RBFOX1: variants seen among roughly 807,000 people sequenced by gnomAD.
RBFOX1 encodes RNA binding fox-1 homolog 1, also known as RNA binding protein fox-1 homolog 1.
Under a neutral mutation model 57.7 loss-of-function variants are expected in RBFOX1, and 8 were observed. That is an observed-to-expected ratio of 0.14 (90% CI 0.08 to 0.25). The LOEUF is 0.25. RBFOX1 is among the 10% of genes least tolerant of loss of function. The pLI, the probability that RBFOX1 is intolerant of heterozygous loss-of-function variation, is 1.00. For synonymous variants in RBFOX1, 326 were observed against 222.4 expected (o/e 1.47, Z -4.15); for missense variants, 611 against 548.5 (o/e 1.11, Z -1.14).
At chr16:7,107,627 C>T (rs562264542) in intron 4 of RBFOX1, among the ~76,000 whole-genome samples, 251 of 152,164 alleles carry the variant, frequency 1.6e-3, no homozygotes, top group Middle Eastern at 0.01. Flanking sequence ...TCCTTCTTTC[C>T]GCTCCTCCCC....
chr16:6,427,272 A>T (rs2093956417), intron 2 of RBFOX1, among the ~76,000 whole-genome samples: 1 of 152,172 alleles, frequency 6.6e-6, no homozygotes, highest in Admixed American at 6.5e-5. Context: ...TAGGTGATAA[A>T]AGCCGTCCAG....
intron 2 of RBFOX1, among the ~76,000 whole-genome samples, chr16:6,419,235 A>AT (rs1567230991): frequency 1.3e-5 from 2 of 151,928 alleles, no homozygotes; most frequent in South Asian, 2.1e-4. Flanking sequence ...GCACTCCATG[A>AT]TTTTTTTCTA....
intron 3 of RBFOX1, among the ~76,000 whole-genome samples, chr16:5,671,522 A>G (rs1341051212): frequency 1.3e-5 from 2 of 152,234 alleles, no homozygotes; most frequent in South Asian, 2.1e-4. Context: ...GAAAAACAAT[A>G]GTATTAATTA....
At chr16:7,363,958 AG>A (rs911729434) in intron 4 of RBFOX1, among the ~76,000 whole-genome samples, 1 of 152,182 alleles carries the variant, frequency 6.6e-6, no homozygotes, top group East Asian at 1.9e-4. Flanking sequence ...TCTTATGGTG[AG>A]GAAAAGAGGA....
chr16:5,726,672 C>T (rs34395325), intron 3 of RBFOX1, among the ~76,000 whole-genome samples: 1 of 152,112 alleles, frequency 6.6e-6, no homozygotes, highest in Non-Finnish European at 1.5e-5. Context: ...CAAGGCTTAA[C>T]TCTACTGTAT....
chr16:5,623,440 A>T (rs965093994), intron 3 of RBFOX1, among the ~76,000 whole-genome samples: 2 of 152,180 alleles, frequency 1.3e-5, no homozygotes, highest in East Asian at 3.9e-4. Flanking sequence ...TTCTAGTGGG[A>T]GAACACTCAT....
chr16:7,680,994 G>A (rs1237638957), intron 14 of RBFOX1, among the ~76,000 whole-genome samples: 1 of 152,104 alleles, frequency 6.6e-6, no homozygotes, highest in Admixed American at 6.6e-5. Flanking sequence ...ACCAGGGCTT[G>A]TTAATTTCAA....
At chr16:6,599,717 T>C (rs1189049662) in intron 2 of RBFOX1, among the ~76,000 whole-genome samples, 1 of 152,214 alleles carries the variant, frequency 6.6e-6, no homozygotes, top group Non-Finnish European at 1.5e-5. Context: ...CACTACTCTG[T>C]TTCCCATCCC....
intron 1 of RBFOX1, among the ~76,000 whole-genome samples, chr16:6,170,325 C>G (rs1166061937): frequency 6.6e-6 from 1 of 152,180 alleles, no homozygotes; most frequent in Non-Finnish European, 1.5e-5. Context: ...AGACCCTGGT[C>G]TGTCCTGCTC....
chr16:6,458,652 T>C (rs1015648962), intron 2 of RBFOX1, among the ~76,000 whole-genome samples: 2 of 152,214 alleles, frequency 1.3e-5, no homozygotes, highest in African/African-American at 4.8e-5. Flanking sequence ...TGTGGCGATA[T>C]ATGCAGAGGC....
intron 3 of RBFOX1, among the ~76,000 whole-genome samples, chr16:5,856,114 A>T (rs528063727): frequency 7.1e-4 from 95 of 133,580 alleles, no homozygotes; most frequent in African/African-American, 2.6e-3. Context: ...CTGAATTTGT[A>T]TATTATTTCT....
chr16:6,835,120 C>T (rs949735739), intron 3 of RBFOX1, among the ~76,000 whole-genome samples: 4 of 152,028 alleles, frequency 2.6e-5, no homozygotes, highest in Admixed American at 6.6e-5. Flanking sequence ...CCAGGATGGT[C>T]TCAATCTCCT....
chr16:6,839,128 G>A (rs2093313869), intron 3 of RBFOX1, among the ~76,000 whole-genome samples: 1 of 147,236 alleles, frequency 6.8e-6, no homozygotes, highest in Admixed American at 6.8e-5. Flanking sequence ...GAGATTACAG[G>A]CACACACCAC....
intron 4 of RBFOX1, among the ~76,000 whole-genome samples, chr16:5,957,802 C>A (rs1310851327): frequency 1.3e-5 from 2 of 152,068 alleles, no homozygotes; most frequent in Non-Finnish European, 1.5e-5. Context: ...AGCATTGATC[C>A]TTTGTGTTAC....
intron 4 of RBFOX1, among the ~76,000 whole-genome samples, chr16:7,182,812 C>A (rs1463421166): frequency 1.3e-5 from 2 of 152,166 alleles, no homozygotes; most frequent in South Asian, 2.1e-4. Flanking sequence ...GAAATGCCTT[C>A]CCTTAATCTC....
intron 4 of RBFOX1, among the ~76,000 whole-genome samples, chr16:5,986,378 T>C (rs762076555): frequency 1.2e-4 from 18 of 152,224 alleles, no homozygotes; most frequent in Admixed American, 3.9e-4. Context: ...GAAATTTTTA[T>C]TGAGTCAATT....
chr16:6,012,589 C>G (rs765456079), intron 4 of RBFOX1, among the ~76,000 whole-genome samples: 5 of 152,152 alleles, frequency 3.3e-5, no homozygotes, highest in Non-Finnish European at 5.9e-5. Flanking sequence ...TTTAAGAAAC[C>G]CTGCTATAGG....
chr16:7,223,058 C>T (rs563883111), intron 4 of RBFOX1, among the ~76,000 whole-genome samples: 3 of 152,152 alleles, frequency 2.0e-5, no homozygotes, highest in Non-Finnish European at 4.4e-5. Context: ...ATTGCAGATG[C>T]GATTCTCATT....
At chr16:7,050,230 C>T (rs1196047850) in intron 3 of RBFOX1, among the ~76,000 whole-genome samples, 7 of 147,914 alleles carry the variant, frequency 4.7e-5, no homozygotes, top group African/African-American at 1.7e-4. Flanking sequence ...CAGTCTTTTC[C>T]TCTTTAGCTT....
Sources: allele counts gnomAD v4.1 joint callset (sites outside exome capture counted in the v4.1 genomes callset), GRCh38; gene constraint gnomAD v4.1.1; transcripts MANE v1.5; gene names NCBI Gene and HGNC (gene_info 2026-07-23, HGNC 2026-07-21).